The following CCNY variants were observed in gnomAD, a reference collection of about 807,000 sequenced individuals.
The protein encoded by CCNY is cyclin-Y.
Under a neutral mutation model 42.8 loss-of-function variants are expected in CCNY, and 19 were observed. The observed-to-expected ratio is 0.44, with a 90% CI of 0.31 to 0.65. The LOEUF (loss-of-function observed/expected upper bound fraction) is 0.65, where lower values mean the gene tolerates loss of function less well. Ranked by LOEUF, CCNY falls within the 30% of genes least tolerant of loss-of-function variation. The pLI, the probability that CCNY is intolerant of heterozygous loss-of-function variation, is 0.07. For synonymous variants in CCNY, 165 were observed against 162.7 expected (o/e 1.01, Z -0.11); for missense variants, 370 against 437.3 (o/e 0.85, Z 1.37).
intron 3 of CCNY, among the ~76,000 whole-genome samples, chr10:35,331,212 T>C (rs186308048): frequency 2.6e-5 from 4 of 152,350 alleles, no homozygotes; most frequent in South Asian, 4.1e-4. Flanking sequence ...AGAACAGCCA[T>C]TGGGGAGCAC....
chr10:35,269,472 T>C (rs1030958733), intron 3 of CCNY, among the ~76,000 whole-genome samples: 4 of 150,242 alleles, frequency 2.7e-5, no homozygotes, highest in African/African-American at 9.8e-5. Context: ...CCTGGCTAAG[T>C]TTTGTATTTT....
intron 1 of CCNY, among the ~76,000 whole-genome samples, chr10:35,375,168 T>C (rs774926309): frequency 1.3e-5 from 2 of 152,184 alleles, no homozygotes. Flanking sequence ...CATTTATTAT[T>C]GTATAGTGCT....
At chr10:35,311,448 G>A (rs1377152212) in intron 3 of CCNY, among the ~76,000 whole-genome samples, 5 of 151,876 alleles carry the variant, frequency 3.3e-5, no homozygotes, top group Non-Finnish European at 5.9e-5. Flanking sequence ...AGGCTGAGGC[G>A]GGTGGATCAC....
intron 7 of CCNY, among the ~76,000 whole-genome samples, chr10:35,548,532 G>T (rs919504327): frequency 6.6e-6 from 1 of 152,038 alleles, no homozygotes; most frequent in Non-Finnish European, 1.5e-5. Context: ...TCCTGACCTT[G>T]TGATCTGCCC....
At chr10:35,527,184 C>A (rs981433859) in intron 5 of CCNY, among the ~76,000 whole-genome samples, 1 of 152,150 alleles carries the variant, frequency 6.6e-6, no homozygotes, top group African/African-American at 2.4e-5. Flanking sequence ...TAAGAACTTA[C>A]AAAACAGTGC....
chr10:35,328,778 T>C (rs972452249), intron 3 of CCNY, among the ~76,000 whole-genome samples: 3 of 152,220 alleles, frequency 2.0e-5, no homozygotes, highest in African/African-American at 7.2e-5. Context: ...CTAGGTTAGG[T>C]ATGCAAAGCT....
chr10:35,290,823 A>G (rs929858084), intron 3 of CCNY, among the ~76,000 whole-genome samples: 1 of 152,156 alleles, frequency 6.6e-6, no homozygotes, highest in Non-Finnish European at 1.5e-5. Context: ...AACGAAAAAA[A>G]CAAAACATAA....
intron 1 of CCNY, among the ~76,000 whole-genome samples, chr10:35,435,824 T>C (rs919763224): frequency 4.7e-4 from 72 of 152,170 alleles, no homozygotes; most frequent in African/African-American, 1.7e-3. Context: ...TGCTAGGTAT[T>C]GGTGAGAATT....
chr10:35,433,758 C>T lies in CCNY; in HGVS notation c.155-49646C>T, dbSNP rs576398439. Among the ~76,000 whole-genome samples the T allele has an allele frequency of 7.9e-5, 12 of 152,242 alleles. No homozygotes were observed. The East Asian group carries it at 2.1e-3, about 27-fold the overall frequency. On this transcript the variant is annotated intron_variant, in intron 1 of 9. Transcript: ENST00000374704. ...TCCCCAGTATCTGGGACCACAGGCA[C>T]GTGCCACCATGCCTAATTTTTTGTA...
chr10:35,266,502 G>C (rs2135037731), intron 3 of CCNY, among the ~76,000 whole-genome samples: 1 of 151,954 alleles, frequency 6.6e-6, no homozygotes, highest in Middle Eastern at 3.4e-3. Context: ...TCTCACGCGT[G>C]GACACAGGCA....
chr10:35,520,985 A>G (rs1016409435), intron 4 of CCNY, among the ~76,000 whole-genome samples: 4 of 152,156 alleles, frequency 2.6e-5, no homozygotes, highest in Admixed American at 6.5e-5. Flanking sequence ...GGGAACAGCT[A>G]ATGCCCGTCA....
At chr10:35,358,809 C>A (rs1396602656) in intron 1 of CCNY, among the ~76,000 whole-genome samples, 3 of 152,222 alleles carry the variant, frequency 2.0e-5, no homozygotes, top group Non-Finnish European at 4.4e-5. Context: ...ATTCCGGCTC[C>A]TGAGGAGCTA....
At chr10:35,402,442 C>T (rs1837664468) in intron 1 of CCNY, among the ~76,000 whole-genome samples, 1 of 152,128 alleles carries the variant, frequency 6.6e-6, no homozygotes, top group Non-Finnish European at 1.5e-5. Flanking sequence ...GGGCTCTATC[C>T]TTGAGTTTTT....
intron 1 of CCNY, among the ~76,000 whole-genome samples, chr10:35,341,177 C>T (rs116252456): frequency 9.4e-4 from 143 of 152,360 alleles, no homozygotes; most frequent in African/African-American, 3.0e-3. Context: ...CTCACTCAGT[C>T]GCTTGCTCAT....
chr10:35,273,967 G>A (rs1835205668), intron 3 of CCNY, among the ~76,000 whole-genome samples: 1 of 152,156 alleles, frequency 6.6e-6, no homozygotes, highest in Non-Finnish European at 1.5e-5. Flanking sequence ...TCAGTGGGCT[G>A]GAGCAGCATT....
At chr10:35,476,755 A>G (rs1354376947) in intron 1 of CCNY, among the ~76,000 whole-genome samples, 1,530 of 151,724 alleles carry the variant, frequency 0.01, 21 homozygotes, top group African/African-American at 0.035. Flanking sequence ...CACATTCAAA[A>G]GCTAGCAGAA....
At chr10:35,488,272 T>C (rs1338665003) in intron 2 of CCNY, among the ~76,000 whole-genome samples, 10 of 152,212 alleles carry the variant, frequency 6.6e-5, no homozygotes, top group Admixed American at 6.5e-4. Context: ...TGAAAAAATA[T>C]TCTGTGGCTG....
At chr10:35,309,521 CAA>C (rs1224563466) in intron 3 of CCNY, among the ~76,000 whole-genome samples, 3 of 152,146 alleles carry the variant, frequency 2.0e-5, no homozygotes, top group Non-Finnish European at 2.9e-5. Context: ...CTCCTGGGCT[CAA>C]GATACTTCTG....
intron 7 of CCNY, among the ~76,000 whole-genome samples, chr10:35,539,920 T>G (rs1050448335): frequency 6.6e-6 from 1 of 152,224 alleles, no homozygotes; most frequent in Non-Finnish European, 1.5e-5. Context: ...TTTTATAGAT[T>G]GATCTTGTAC....
Sources: allele counts gnomAD v4.1 joint callset (sites outside exome capture counted in the v4.1 genomes callset), GRCh38; gene constraint gnomAD v4.1.1; transcripts MANE v1.5; gene names NCBI Gene and HGNC (gene_info 2026-07-23, HGNC 2026-07-21).